Variants in BANK1 observed in about 807,000 individuals in gnomAD.
The protein encoded by BANK1 is B-cell scaffold protein with ankyrin repeats.
Under a neutral mutation model 94.5 loss-of-function variants are expected in BANK1, and 95 were observed. That is an observed-to-expected ratio of 1.00 (90% CI 0.85 to 1.19). The LOEUF is 1.19. Among genes scored for constraint, BANK1 ranks in the 50% most tolerant of loss-of-function variants. The pLI is 0.00. For missense variants in BANK1, 987 were observed against 932.2 expected, an observed-to-expected ratio of 1.06 and a Z score of -0.77; for synonymous variants, 334 against 308.4, an observed-to-expected ratio of 1.08 and a Z score of -0.87.
intron 7 of BANK1, among the ~76,000 whole-genome samples, chr4:101,940,566 T>C (rs1396279131): frequency 6.6e-6 from 1 of 151,794 alleles, no homozygotes; most frequent in Non-Finnish European, 1.5e-5. Context: ...CTCTTTACAC[T>C]CCTTTTGTCT....
At chr4:101,839,273 A>C (rs1011213757) in intron 2 of BANK1, among the ~76,000 whole-genome samples, 2 of 152,146 alleles carry the variant, frequency 1.3e-5, no homozygotes, top group African/African-American at 2.4e-5. Flanking sequence ...GAAGGGTTGA[A>C]ATTACATGGT....
rs35196238 is a variant in BANK1 at position 101,847,736 on chromosome 4, T to TACACACAC, written c.470-7267_470-7260dup. 9.4e-3 allele frequency among the ~76,000 whole-genome samples: 1,373 copies of TACACACAC among 145,872 alleles called. 9 individuals carry two copies. The highest frequency in any genetic ancestry group is 0.024 in the African/African-American group (944 of 39,276). ...TTTATGTCTGCGTAGTATTCCATCA[T>TACACACAC]ACACACACACACACACACACACACA... On this transcript the variant is annotated intron_variant, in intron 2 of 16. Coordinates refer to ENST00000322953, the MANE Select transcript of BANK1 (RefSeq NM_017935.5).
At chr4:101,952,980 A>C (rs1724222859) in intron 7 of BANK1, among the ~76,000 whole-genome samples, 1 of 152,156 alleles carries the variant, frequency 6.6e-6, no homozygotes, top group South Asian at 2.1e-4. Flanking sequence ...GTAATGATTA[A>C]CGATCAGTGA....
At chr4:102,054,119 G>A (rs914726476) in intron 11 of BANK1, among the ~76,000 whole-genome samples, 12 of 152,040 alleles carry the variant, frequency 7.9e-5, no homozygotes, top group Non-Finnish European at 1.8e-4. Context: ...CATAACGATA[G>A]TTCATTAAAA....
intron 11 of BANK1, among the ~76,000 whole-genome samples, chr4:102,046,233 C>T (rs1004992869): frequency 2.0e-5 from 3 of 151,762 alleles, no homozygotes; most frequent in African/African-American, 7.3e-5. Context: ...GAAAACTGGC[C>T]AGCCATATGT....
At chr4:101,808,536 T>C (rs536622328) in intron 1 of BANK1, among the ~76,000 whole-genome samples, 1 of 152,204 alleles carries the variant, frequency 6.6e-6, no homozygotes, top group South Asian at 2.1e-4. Context: ...ATCAAAGCTG[T>C]AATACAGTTG....
intron 10 of BANK1, among the ~76,000 whole-genome samples, chr4:102,042,755 G>A (rs1408690509): frequency 6.6e-6 from 1 of 151,906 alleles, no homozygotes; most frequent in Non-Finnish European, 1.5e-5. Context: ...AAATTCTGTC[G>A]AACTGCTAAA....
At chr4:101,884,910 T>A (rs950098586) in intron 5 of BANK1, among the ~76,000 whole-genome samples, 2 of 152,106 alleles carry the variant, frequency 1.3e-5, no homozygotes, top group African/African-American at 4.8e-5. Context: ...TTGTTTGTTT[T>A]GTTTTGTTTT....
At position 101,921,563 on chromosome 4, in the gene BANK1, A is replaced by G. The variant is rs1331409219; in HGVS notation, c.1206+3374A>G. On this transcript the variant is annotated intron_variant, in intron 7 of 16. Transcript: ENST00000322953. ...ACAGATATAAATAATATTTGCTTGTATTAGCTCACATATGTCACCCCATCC... is the reference window on the plus strand; with the variant it reads ...ACAGATATAAATAATATTTGCTTGTGTTAGCTCACATATGTCACCCCATCC... Among the ~76,000 whole-genome samples the G allele has an allele frequency of 1.3e-4, 19 of 151,962 alleles. No homozygotes were observed. The South Asian group carries it at 3.1e-3, about 25-fold the overall frequency.
At chr4:101,808,000 G>A (rs913656476) in intron 1 of BANK1, among the ~76,000 whole-genome samples, 26 of 151,178 alleles carry the variant, frequency 1.7e-4, no homozygotes, top group African/African-American at 6.3e-4. Context: ...CAGGAGAATC[G>A]CTTGAACCCG....
chr4:102,026,699 G>A (rs952667444), intron 9 of BANK1, among the ~76,000 whole-genome samples: 4 of 151,734 alleles, frequency 2.6e-5, no homozygotes, highest in African/African-American at 9.7e-5. Flanking sequence ...GCGTGCACCT[G>A]TAATGCCAGC....
At chr4:101,971,649 A>G (rs1187224073) in intron 7 of BANK1, among the ~76,000 whole-genome samples, 1 of 152,044 alleles carries the variant, frequency 6.6e-6, no homozygotes, top group Admixed American at 6.6e-5. Context: ...TTTATAATCC[A>G]CTTTGAGTTG....
chr4:101,843,564 A>T (rs1727136898), intron 2 of BANK1, among the ~76,000 whole-genome samples: 1 of 152,220 alleles, frequency 6.6e-6, no homozygotes, highest in African/African-American at 2.4e-5. Context: ...TTTGTCCATC[A>T]ACCAGAAAAT....
intron 6 of BANK1, among the ~76,000 whole-genome samples, chr4:101,898,455 A>G (rs1252662347): frequency 1.3e-5 from 2 of 152,080 alleles, no homozygotes; most frequent in East Asian, 1.9e-4. Context: ...TCCTGAGGAC[A>G]GGTCTTTATT....
chr4:101,858,315 C>T (rs1447294288), intron 3 of BANK1, among the ~76,000 whole-genome samples: 1 of 152,138 alleles, frequency 6.6e-6, no homozygotes, highest in African/African-American at 2.4e-5. Context: ...TCCTGTAATG[C>T]ACACAACAGC....
chr4:101,871,696 CAG>C (rs1225019356), intron 5 of BANK1, among the ~76,000 whole-genome samples: 1 of 152,074 alleles, frequency 6.6e-6, no homozygotes, highest in Non-Finnish European at 1.5e-5. Flanking sequence ...GCTTAAAAAA[CAG>C]ACTGTTTCAT....
intron 1 of BANK1, among the ~76,000 whole-genome samples, chr4:101,801,555 C>A (rs1404265580): frequency 6.6e-6 from 1 of 152,194 alleles, no homozygotes; most frequent in East Asian, 1.9e-4. Context: ...GTTCCTCCAG[C>A]AGTTGAGAGA....
rs1301758125 is a variant in BANK1 at position 101,893,109 on chromosome 4, T to G, written c.904-2196T>G. On this transcript the variant is annotated intron_variant, in intron 5 of 16. Transcript: ENST00000322953. ...AGAGTTATCCATATTCTTTCCTAAT[T>G]AATTGTCTTTGTCTATGTGGTGACC... Among the ~76,000 whole-genome samples the G allele has an allele frequency of 2.0e-5, 3 of 152,022 alleles. No individual in the cohort carries two copies. In the East Asian group the frequency reaches 5.8e-4, roughly 29 times the overall value.
chr4:101,824,467 T>C (rs905829400), intron 1 of BANK1, among the ~76,000 whole-genome samples: 1 of 152,342 alleles, frequency 6.6e-6, no homozygotes, highest in East Asian at 1.9e-4. Context: ...ATATGAGTTA[T>C]GATGTTTCAC....
Sources: gnomAD v4.1 joint callset for allele counts (sites outside exome capture counted in the v4.1 genomes callset) on GRCh38, gnomAD v4.1.1 for gene constraint, MANE v1.5 for transcripts, NCBI Gene and HGNC (gene_info 2026-07-23, HGNC 2026-07-21) for gene names.